RANBP2: variants seen among roughly 807,000 people sequenced by gnomAD.
RANBP2 encodes the protein RAN binding protein 2, also known as E3 SUMO-protein ligase RanBP2.
Under a neutral mutation model 303.6 loss-of-function variants are expected in RANBP2, and 57 were observed. That is an observed-to-expected ratio of 0.19 (90% confidence interval 0.15 to 0.23). The LOEUF is 0.23. RANBP2 is among the 10% of genes least tolerant of loss of function. RANBP2 has a pLI of 1.00. For synonymous variants in RANBP2, 1,167 were observed against 1,301.5 expected, an observed-to-expected ratio of 0.90 and a Z score of 2.23; for missense variants, 3,138 against 3,780.8, an observed-to-expected ratio of 0.83 and a Z score of 4.46.
At chr2:109,477,035 T>C in the RANBP2 span, among the ~76,000 whole-genome samples, 6 of 152,356 alleles carry the variant, frequency 3.9e-5, no homozygotes, top group Middle Eastern at 6.8e-3. Flanking sequence ...TGCCTTGTGC[T>C]GACCTTCTGT....
the RANBP2 span, among the ~76,000 whole-genome samples, chr2:109,110,829 T>C: frequency 1.3e-5 from 2 of 152,156 alleles, no homozygotes; most frequent in Admixed American, 1.3e-4. Context: ...GGAAGTGACA[T>C]GTGTCACTCA....
At chr2:108,916,598 C>T in the RANBP2 span, among the ~76,000 whole-genome samples, 1 of 152,184 alleles carries the variant, frequency 6.6e-6, no homozygotes, top group Non-Finnish European at 1.5e-5. Context: ...ACCAACTAAA[C>T]GGTCCCCAAC....
chr2:109,116,144 G>C, the RANBP2 span, among the ~76,000 whole-genome samples: 1 of 152,078 alleles, frequency 6.6e-6, no homozygotes, highest in Non-Finnish European at 1.5e-5. Context: ...TCTTTGTGGC[G>C]TTCTCTGTAT....
the RANBP2 span, among the ~76,000 whole-genome samples, chr2:108,880,876 C>T: frequency 6.6e-6 from 1 of 152,200 alleles, no homozygotes; most frequent in African/African-American, 2.4e-5. Flanking sequence ...CATTCTGCAG[C>T]CTGTGAACCA....
the RANBP2 span, among the ~76,000 whole-genome samples, chr2:109,154,803 A>C: frequency 6.6e-6 from 1 of 152,106 alleles, no homozygotes; most frequent in Non-Finnish European, 1.5e-5. Context: ...GGTGACACCA[A>C]CCTGCTGCAT....
chr2:109,409,635 C>T, the RANBP2 span, among the ~76,000 whole-genome samples: 12 of 152,208 alleles, frequency 7.9e-5, no homozygotes, highest in South Asian at 4.2e-4. Context: ...GGGCAGAAGG[C>T]GTGGCTGCTG....
the RANBP2 span, among the ~76,000 whole-genome samples, chr2:109,018,016 G>A: frequency 1.2e-3 from 182 of 152,330 alleles, 4 homozygotes; most frequent in Middle Eastern, 0.01. Context: ...TGACTTTGCA[G>A]TCTCACAGAT....
the RANBP2 span, chr2:109,399,004 C>T: frequency 1.7e-5 from 26 of 1,488,104 alleles, no homozygotes; most frequent in African/African-American, 9.7e-5. Flanking sequence ...TCCTCAGCTC[C>T]GTGTTCAGTG....
At chr2:109,763,300 C>A in the RANBP2 span, among the ~76,000 whole-genome samples, 6 of 150,394 alleles carry the variant, frequency 4.0e-5, 2 homozygotes, top group Non-Finnish European at 5.9e-5. Context: ...AATTATAAAG[C>A]AAGTACTGTT....
At chr2:108,778,838 TC>T (rs1389748128) in intron 25 of RANBP2, among the ~76,000 whole-genome samples, 1 of 151,960 alleles carries the variant, frequency 6.6e-6, no homozygotes, top group Non-Finnish European at 1.5e-5. Context: ...AAGCAATCCT[TC>T]CACCTCAGCT....
the RANBP2 span, among the ~76,000 whole-genome samples, chr2:108,909,221 T>C: frequency 6.6e-6 from 1 of 152,234 alleles, no homozygotes; most frequent in Non-Finnish European, 1.5e-5. Flanking sequence ...TTTTGATTTC[T>C]GGGAATAAGA....
chr2:108,969,674 G>A, the RANBP2 span, among the ~76,000 whole-genome samples: 1 of 152,184 alleles, frequency 6.6e-6, no homozygotes, highest in Admixed American at 6.5e-5. Context: ...TTTATTAAGT[G>A]CTTACTAAAG....
chr2:109,692,238 C>G, the RANBP2 span, among the ~76,000 whole-genome samples: 29 of 151,826 alleles, frequency 1.9e-4, 1 homozygote, highest in Admixed American at 7.9e-4. Context: ...GGGGAACTGT[C>G]TCTGATAGGC....
At chr2:109,070,617 TG>T in the RANBP2 span, among the ~76,000 whole-genome samples, 186 of 152,270 alleles carry the variant, frequency 1.2e-3, no homozygotes, top group African/African-American at 3.9e-3. Context: ...CCCAGCACTT[TG>T]GGAGGTAAAG....
chr2:109,230,503 C>G, the RANBP2 span, among the ~76,000 whole-genome samples: 1 of 152,084 alleles, frequency 6.6e-6, no homozygotes, highest in Non-Finnish European at 1.5e-5. Context: ...TTGCTTGAAC[C>G]TAGTAGGTAG....
At chr2:109,613,949 C>T in the RANBP2 span, 1 of 1,213,218 alleles carries the variant, frequency 8.2e-7, no homozygotes, top group Non-Finnish European at 1.0e-6. Context: ...GCTAGGCTGC[C>T]TCCGCGACGG....
the RANBP2 span, among the ~76,000 whole-genome samples, chr2:109,292,650 C>G: frequency 6.6e-6 from 1 of 152,190 alleles, no homozygotes; most frequent in Non-Finnish European, 1.5e-5. Flanking sequence ...TAGACTCTGC[C>G]TAGAAAAGCG....
At chr2:109,207,828 AAATT>A in the RANBP2 span, among the ~76,000 whole-genome samples, 1 of 152,190 alleles carries the variant, frequency 6.6e-6, no homozygotes, top group Non-Finnish European at 1.5e-5. Context: ...TTTTTAAAAA[AAATT>A]AAACTATACC....
chr2:109,087,822 G>C, the RANBP2 span, among the ~76,000 whole-genome samples: 2 of 152,136 alleles, frequency 1.3e-5, no homozygotes, highest in Non-Finnish European at 2.9e-5. Flanking sequence ...CAGCCTCCAT[G>C]AGGACAGTGG....
Sources: gnomAD v4.1 joint callset for allele counts (sites outside exome capture counted in the v4.1 genomes callset) on GRCh38, gnomAD v4.1.1 for gene constraint, MANE v1.5 for transcripts, NCBI Gene and HGNC (gene_info 2026-07-23, HGNC 2026-07-21) for gene names.